GREM1: variants seen among roughly 807,000 people sequenced by gnomAD.
GREM1 encodes the protein gremlin-1.
Under a neutral mutation model 13.1 loss-of-function variants are expected in GREM1, and 6 were observed. That is an observed-to-expected ratio of 0.46 (90% CI 0.25 to 0.91). GREM1 has a LOEUF of 0.91. GREM1 is among the 40% of genes least tolerant of loss of function. The pLI is 0.18. For missense variants in GREM1, 185 were observed against 233.9 expected, an observed-to-expected ratio of 0.79 and a Z score of 1.36; for synonymous variants, 98 against 93.7, an observed-to-expected ratio of 1.05 and a Z score of -0.27.
intron 1 of GREM1, among the ~76,000 whole-genome samples, chr15:32,721,125 C>A (rs1219087557): frequency 1.3e-5 from 2 of 152,210 alleles, no homozygotes; most frequent in East Asian, 3.9e-4. Flanking sequence ...CATTGCATTC[C>A]AGCCTGGGCA....
rs1320616512 is a variant in GREM1, at chr15:32,733,191, CTGTA to C, written c.*1949_*1952del. On this transcript the variant is annotated 3_prime_UTR_variant, in exon 2 of 2. Transcript: ENST00000651154. The stretch of plus-strand genomic sequence containing the variant: ...ACATAGTGTGTGTGTTTTGTATACA[CTGTA>C]TGACCCCACCCCAAATCTTTGTATT... 1.8e-5 allele frequency: 4 copies of C among 227,508 alleles called. No individual in the cohort carries two copies. The South Asian group carries it at 7.5e-4, about 43-fold the overall frequency. 14.1% of individuals were successfully genotyped at this position (227,508 alleles called of 1,614,324 possible). A position where few individuals can be genotyped will look rare whatever the true frequency, so the allele number is the denominator to read the frequency against.
intron 1 of GREM1, 28 bp downstream of exon 1, chr15:32,718,189 G>A: frequency 7.5e-7 from 1 of 1,340,592 alleles, no homozygotes; most frequent in Non-Finnish European, 9.8e-7. Context: ...CGGCAGGGAT[G>A]TGAGTGGGCG....
In GREM1 at chr15:32,741,944, A is replaced by T. The variant is rs2055765141; in HGVS notation, c.*10699A>T. ...TCCATCAAATGATTATGTAATTTTT[A>T]TCCTTTATTCTGTTAATGGATTATC... On this transcript the variant is annotated 3_prime_UTR_variant, in exon 2 of 2. Transcript: ENST00000651154. 6.6e-6 allele frequency: 1 copy of T among 152,104 alleles called. No individual in the cohort carries two copies. Among genetic ancestry groups the T allele is most frequent in the Non-Finnish European group, 1.5e-5 (1 of 67,974 alleles). The allele number at this position is 152,104 out of a possible 1,614,324, so 9.4% of individuals were successfully genotyped here. A position where few individuals can be genotyped will look rare whatever the true frequency, so the allele number is the denominator to read the frequency against.
chr15:32,741,652 C>T lies in GREM1; in HGVS notation c.*10407C>T, dbSNP rs1018277992. 5 of 151,954 alleles carry T rather than the reference C, an allele frequency of 3.3e-5. No individual in the cohort carries two copies. The highest frequency in any genetic ancestry group is 4.8e-5 in the African/African-American group (2 of 41,414). The allele number at this position is 151,954 out of a possible 1,614,324, so 9.4% of individuals were successfully genotyped here. ...TTTTACCCTTTGTTTTCAACGTGAGCGTCTTTTATTTATTTTTCTTGCCTA... is the reference window on the plus strand; with the variant it reads ...TTTTACCCTTTGTTTTCAACGTGAGTGTCTTTTATTTATTTTTCTTGCCTA... On this transcript the variant is annotated 3_prime_UTR_variant, in exon 2 of 2. Coordinates refer to ENST00000651154, the MANE Select transcript of GREM1 (RefSeq NM_013372.7).
At position 32,731,522 on chromosome 15, in the gene GREM1, AC is replaced by A. The variant is rs766561085; in HGVS notation, c.*281del. On this transcript the variant is annotated 3_prime_UTR_variant, in exon 2 of 2. Transcript: ENST00000651154. ...TGGGGATGTACCAGAAACCCACCTCACCCCGGCTCACATCTAAAGGGGCGGG... is the reference window on the plus strand; with the variant it reads ...TGGGGATGTACCAGAAACCCACCTCACCCGGCTCACATCTAAAGGGGCGGG... The A allele has an allele frequency of 6.5e-6, 3 of 462,114 alleles. No homozygotes were observed. Among genetic ancestry groups the A allele is most frequent in the African/African-American group, 5.9e-5 (3 of 50,570 alleles). The allele number at this position is 462,114 out of a possible 1,614,324, so 28.6% of individuals were successfully genotyped here.
rs371846372 is a variant in GREM1, at chr15:32,734,745, G to A, written c.*3500G>A. On this transcript the variant is annotated 3_prime_UTR_variant, in exon 2 of 2. Coordinates refer to ENST00000651154, the MANE Select transcript of GREM1 (RefSeq NM_013372.7). ...CAGGGATGCACTTATCATGGGAAGG[G>A]AGGTAGAAAAGAGAATTGGATAGCC... is the stretch of plus-strand genomic sequence containing the variant. 1 of 202,846 alleles carries A rather than the reference G, an allele frequency of 4.9e-6. No homozygotes were observed. Among genetic ancestry groups the A allele is most frequent in the Non-Finnish European group, 1.0e-5 (1 of 97,994 alleles). 12.6% of individuals were successfully genotyped at this position (202,846 alleles called of 1,614,324 possible).
rs905553278 is a variant in GREM1 at position 32,741,115 on chromosome 15, A to G, written c.*9870A>G. 3.9e-5 allele frequency: 6 copies of G among 152,214 alleles called. No individual in the cohort carries two copies. The highest frequency in any genetic ancestry group is 1.4e-4 in the African/African-American group (6 of 41,460). 9.4% of individuals were successfully genotyped at this position (152,214 alleles called of 1,614,324 possible). On this transcript the variant is annotated 3_prime_UTR_variant, in exon 2 of 2. Transcript: ENST00000651154. ...TACTTAAAAGCCTTTTCCACATTTA[A>G]TGTTTTTTGTTCACTGTGGTGTAGT...
intron 1 of GREM1, among the ~76,000 whole-genome samples, chr15:32,724,131 T>TA (rs1365556767): frequency 3.3e-5 from 5 of 152,260 alleles, no homozygotes. Context: ...TCAGACTAGA[T>TA]ATTTACTCAA....
rs2055716957 is a variant in GREM1, at chr15:32,737,952, A to G, written c.*6707A>G. On this transcript the variant is annotated 3_prime_UTR_variant, in exon 2 of 2. Coordinates refer to ENST00000651154, the MANE Select transcript of GREM1 (RefSeq NM_013372.7). Reference sequence around the variant, plus strand: ...TCAAAAAAAAAAAAAAAAAGAAAAGAAAAACCCACAGCTAACATCATACTT... The same window carrying G: ...TCAAAAAAAAAAAAAAAAAGAAAAGGAAAACCCACAGCTAACATCATACTT... 1 of 146,614 alleles carries G rather than the reference A, an allele frequency of 6.8e-6. No individual in the cohort carries two copies. The highest frequency in any genetic ancestry group is 1.5e-5 in the Non-Finnish European group (1 of 66,666). 9.1% of individuals were successfully genotyped at this position (146,614 alleles called of 1,614,324 possible).
chr15:32,721,219 C>A (rs2055400450), intron 1 of GREM1, among the ~76,000 whole-genome samples: 1 of 152,048 alleles, frequency 6.6e-6, no homozygotes, highest in African/African-American at 2.4e-5. Flanking sequence ...AGCTGTGTGA[C>A]CTTGGACAAA....
rs1026143115 is a variant in GREM1, at chr15:32,718,100, C to T, written c.-63C>T. 5.6e-6 allele frequency: 7 copies of T among 1,240,918 alleles called. No individual in the cohort carries two copies. In the Admixed American group the frequency reaches 1.4e-4, roughly 25 times the overall value. 76.9% of individuals were successfully genotyped at this position (1,240,918 alleles called of 1,614,324 possible). ...CGCGCCGAGCCCCGGCGGCTCTGGCCGCGGCCGCACTCAGCGCCACGCGTC... is the reference window on the plus strand; with the variant it reads ...CGCGCCGAGCCCCGGCGGCTCTGGCTGCGGCCGCACTCAGCGCCACGCGTC... On this transcript the variant is annotated 5_prime_UTR_variant, in exon 1 of 2. Transcript: ENST00000651154.
Position 32,743,536 on chromosome 15 carries a change from A to G in GREM1, c.*12291A>G, listed in dbSNP as rs1352376652. 1 of 152,268 alleles carries G rather than the reference A, an allele frequency of 6.6e-6. No individual in the cohort carries two copies. 9.4% of individuals were successfully genotyped at this position (152,268 alleles called of 1,614,324 possible). On this transcript the variant is annotated 3_prime_UTR_variant, in exon 2 of 2. Transcript: ENST00000651154. ...ATCTATTATCTCATGCATTTCTGAT[A>G]TAGATATAGGAGTGACTAATCTGGG...
chr15:32,718,986 C>G (rs1201534829), intron 1 of GREM1: 2 of 172,538 alleles, frequency 1.2e-5, no homozygotes, highest in Non-Finnish European at 2.5e-5. Flanking sequence ...CACTTCCGCG[C>G]GCACCCCTTA....
At position 32,734,087 on chromosome 15, in the gene GREM1, G is replaced by A. The variant is rs62002611; in HGVS notation, c.*2842G>A. ...TTTCTCTGAGTTGGGCAAAGAAGAA[G>A]CTGACACACCGTATGTTGTTAGAGT... is the stretch of plus-strand genomic sequence containing the variant. On this transcript the variant is annotated 3_prime_UTR_variant, in exon 2 of 2. Transcript: ENST00000651154. 30,876 of 243,192 alleles carry A rather than the reference G, an allele frequency of 0.13. 2,475 individuals carry two copies. The highest frequency in any genetic ancestry group is 0.17 in the Non-Finnish European group (19,850 of 115,130). 15.1% of individuals were successfully genotyped at this position (243,192 alleles called of 1,614,324 possible). A position where few individuals can be genotyped will look rare whatever the true frequency, so the allele number is the denominator to read the frequency against.
chr15:32,740,964 G>A lies in GREM1; in HGVS notation c.*9719G>A, dbSNP rs1052851940. On this transcript the variant is annotated 3_prime_UTR_variant, in exon 2 of 2. Transcript: ENST00000651154. ...CTCATGTTACCCCTGTGCCTAGAAA[G>A]GAAACAGGAGATGAAAAGCATGGTG... 6.6e-6 allele frequency: 1 copy of A among 152,076 alleles called. No individual in the cohort carries two copies. Among genetic ancestry groups the A allele is most frequent in the African/African-American group, 2.4e-5 (1 of 41,398 alleles). The allele number at this position is 152,076 out of a possible 1,614,324, so 9.4% of individuals were successfully genotyped here.
rs927970468 is a variant in GREM1, at chr15:32,730,777, C to G, written c.87C>G (p.Ser29=). 3.7e-6 allele frequency: 6 copies of G among 1,613,490 alleles called. No homozygotes were observed. The highest frequency in any genetic ancestry group is 4.2e-6 in the Non-Finnish European group (5 of 1,179,896). ...LPAAEGKKKG[S]QGAIPPPDKA... ...CTGCTGAAGGGAAAAAGAAAGGGTCCCAAGGTGCCATCCCCCCGCCAGACA... is the reference window on the plus strand; with the variant it reads ...CTGCTGAAGGGAAAAAGAAAGGGTCGCAAGGTGCCATCCCCCCGCCAGACA... The change falls in exon 2 of 2, where the codon TCC becomes TCG. Residue 29 remains serine, a synonymous_variant. Transcript: ENST00000651154.
At chr15:32,729,859 A>T (rs984099256) in intron 1 of GREM1, among the ~76,000 whole-genome samples, 3 of 152,256 alleles carry the variant, frequency 2.0e-5, no homozygotes, top group Non-Finnish European at 4.4e-5. Flanking sequence ...ACAAAGTGAT[A>T]CATTGAGTAT....
intron 1 of GREM1, among the ~76,000 whole-genome samples, chr15:32,725,051 G>C (rs1224649354): frequency 6.6e-6 from 1 of 152,084 alleles, no homozygotes; most frequent in African/African-American, 2.4e-5. Context: ...TGAGCACTTG[G>C]GTTGGCTCCA....
intron 1 of GREM1, among the ~76,000 whole-genome samples, chr15:32,721,338 C>T (rs2055403088): frequency 6.6e-6 from 1 of 152,132 alleles, no homozygotes; most frequent in African/African-American, 2.4e-5. Context: ...CAGAAATCAG[C>T]ATAATGCCTG....
Sources: allele counts gnomAD v4.1 joint callset (sites outside exome capture counted in the v4.1 genomes callset), GRCh38; gene constraint gnomAD v4.1.1; transcripts MANE v1.5; gene names NCBI Gene and HGNC (gene_info 2026-07-23, HGNC 2026-07-21).